Variants in SLC24A2 observed in about 807,000 individuals in gnomAD.
SLC24A2 encodes solute carrier family 24 member 2.
SLC24A2 carries 36 observed loss-of-function variants against 62.0 expected under a neutral mutation model. The observed-to-expected ratio is 0.58, with a 90% CI of 0.44 to 0.77. The LOEUF is 0.77. Ranked by LOEUF, SLC24A2 falls within the 30% of genes least tolerant of loss-of-function variation. SLC24A2 has a pLI of 0.00. For missense variants in SLC24A2, 846 were observed against 817.9 expected (o/e 1.03, Z -0.42); for synonymous variants, 358 against 294.0 (o/e 1.22, Z -2.23).
chr9:19,657,672 C>T (rs1002524922), intron 2 of SLC24A2, among the ~76,000 whole-genome samples: 26 of 152,184 alleles, frequency 1.7e-4, no homozygotes, highest in Non-Finnish European at 1.6e-4. Context: ...TCAAACACTA[C>T]TCTTTCCACA....
the SLC24A2 span, among the ~76,000 whole-genome samples, chr9:19,807,438 T>A: frequency 2.0e-5 from 3 of 152,196 alleles, no homozygotes; most frequent in African/African-American, 7.2e-5. Context: ...ACTGATATGT[T>A]AGAAGAAAAA....
intron 7 of SLC24A2, among the ~76,000 whole-genome samples, chr9:19,556,525 G>C (rs762614384): frequency 9.9e-5 from 15 of 152,086 alleles, no homozygotes; most frequent in Non-Finnish European, 5.9e-5. Context: ...TTATTGACTG[G>C]TAATAACATC....
the SLC24A2 span, among the ~76,000 whole-genome samples, chr9:20,231,157 T>A: frequency 0.011 from 1,680 of 152,302 alleles, 22 homozygotes; most frequent in Non-Finnish European, 0.018. Flanking sequence ...TACTTTGAAG[T>A]CAGGTAGCGT....
the SLC24A2 span, among the ~76,000 whole-genome samples, chr9:20,108,932 C>G: frequency 6.8e-4 from 104 of 152,176 alleles, 3 homozygotes; most frequent in South Asian, 0.011. Context: ...TTTTAGTCAA[C>G]AATAGAGCAC....
the SLC24A2 span, among the ~76,000 whole-genome samples, chr9:20,172,085 G>A: frequency 2.5e-3 from 380 of 152,098 alleles, 2 homozygotes; most frequent in African/African-American, 8.7e-3. Context: ...GCAAATACAT[G>A]GAAATTAAAT....
chr9:20,052,911 C>T, the SLC24A2 span, among the ~76,000 whole-genome samples: 254 of 152,258 alleles, frequency 1.7e-3, 3 homozygotes, highest in African/African-American at 5.8e-3. Context: ...TATATGACAT[C>T]CAATCGCCCT....
At chr9:20,095,613 G>C in the SLC24A2 span, among the ~76,000 whole-genome samples, 1 of 152,060 alleles carries the variant, frequency 6.6e-6, no homozygotes. Flanking sequence ...TGGTTGAACA[G>C]CTCACTGACT....
At chr9:20,237,670 G>T in the SLC24A2 span, among the ~76,000 whole-genome samples, 11 of 152,178 alleles carry the variant, frequency 7.2e-5, no homozygotes, top group Non-Finnish European at 7.3e-5. Flanking sequence ...GCACTGGGAA[G>T]CACTCCGATT....
intron 2 of SLC24A2, among the ~76,000 whole-genome samples, chr9:19,638,747 A>C (rs1340357094): frequency 6.6e-6 from 1 of 152,212 alleles, no homozygotes; most frequent in African/African-American, 2.4e-5. Context: ...GATGACAGCT[A>C]TCTCAGAGGG....
the SLC24A2 span, among the ~76,000 whole-genome samples, chr9:20,010,412 G>C: frequency 1.3e-5 from 2 of 152,038 alleles, no homozygotes; most frequent in Non-Finnish European, 2.9e-5. Context: ...AAGAAATGAA[G>C]ATCTATAAAA....
chr9:19,535,145 A>G (rs1267124275), intron 8 of SLC24A2, among the ~76,000 whole-genome samples: 1 of 152,124 alleles, frequency 6.6e-6, no homozygotes, highest in Non-Finnish European at 1.5e-5. Context: ...TGCTGGCTGC[A>G]TAAATGTCGT....
chr9:19,756,517 A>G (rs1370307449), intron 2 of SLC24A2, among the ~76,000 whole-genome samples: 1 of 152,178 alleles, frequency 6.6e-6, no homozygotes, highest in African/African-American at 2.4e-5. Context: ...ATTACCACAA[A>G]ATTTGATGCT....
chr9:20,218,556 T>G, the SLC24A2 span, among the ~76,000 whole-genome samples: 1 of 152,136 alleles, frequency 6.6e-6, no homozygotes, highest in Admixed American at 6.6e-5. Flanking sequence ...TTTCTAAACT[T>G]GAATTTTATG....
At chr9:19,740,889 G>A (rs1821655616) in intron 2 of SLC24A2, among the ~76,000 whole-genome samples, 2 of 150,850 alleles carry the variant, frequency 1.3e-5, no homozygotes, top group African/African-American at 2.4e-5. Context: ...AAAAAAGAGA[G>A]AGAGAAAACT....
At chr9:20,251,430 A>ATAT in the SLC24A2 span, among the ~76,000 whole-genome samples, 1 of 152,326 alleles carries the variant, frequency 6.6e-6, no homozygotes, top group Admixed American at 6.5e-5. Context: ...AATGACCAAA[A>ATAT]TAATAGTCAT....
chr9:19,520,854 T>G lies in SLC24A2; in HGVS notation c.1736+40A>C, dbSNP rs142134691. The G allele has an allele frequency of 6.0e-4, 960 of 1,599,214 alleles. 16 individuals are homozygous for G. The East Asian group carries it at 0.014, about 24-fold the overall frequency. On this transcript the variant is annotated intron_variant, in intron 10 of 10. Coordinates refer to ENST00000341998, the MANE Select transcript of SLC24A2 (RefSeq NM_020344.4). ...GCTTCTAAGAAGACAAAGACACTGG[T>G]GGAGCTGGTGCACACCTTTGTAGAA... is the stretch of plus-strand genomic sequence containing the variant.
At chr9:20,139,724 C>T in the SLC24A2 span, among the ~76,000 whole-genome samples, 52 of 152,322 alleles carry the variant, frequency 3.4e-4, no homozygotes, top group African/African-American at 1.1e-3. Context: ...GGAACCAATG[C>T]TCTCCTCTGC....
At chr9:19,913,427 T>C in the SLC24A2 span, among the ~76,000 whole-genome samples, 2,120 of 152,154 alleles carry the variant, frequency 0.014, 19 homozygotes, top group Non-Finnish European at 0.019. Context: ...TCAGATTCCC[T>C]TGTGTGGGAA....
the SLC24A2 span, among the ~76,000 whole-genome samples, chr9:20,269,710 T>C: frequency 6.6e-6 from 1 of 152,160 alleles, no homozygotes; most frequent in East Asian, 1.9e-4. Flanking sequence ...GAGGCTTACC[T>C]TCTGGTAGTC....
Sources: gnomAD v4.1 joint callset for allele counts (sites outside exome capture counted in the v4.1 genomes callset) on GRCh38, gnomAD v4.1.1 for gene constraint, MANE v1.5 for transcripts, NCBI Gene and HGNC (gene_info 2026-07-23, HGNC 2026-07-21) for gene names.